Variants in OBI1 observed in about 807,000 individuals in gnomAD.
The protein encoded by OBI1 is ORC ubiquitin ligase 1.
A neutral mutation model predicts 62.4 loss-of-function variants in OBI1; 59 were observed. That is an observed-to-expected ratio of 0.95 (90% CI 0.77 to 1.17). The LOEUF (loss-of-function observed/expected upper bound fraction) is 1.17, where lower values mean the gene tolerates loss of function less well. OBI1 is among the 50% of genes most tolerant of loss of function. The pLI is 0.00. For missense variants in OBI1, 875 were observed against 830.9 expected, an observed-to-expected ratio of 1.05 and a Z score of -0.65; for synonymous variants, 302 against 292.8, an observed-to-expected ratio of 1.03 and a Z score of -0.32.
In OBI1 at chr13:78,616,253, G is replaced by T; in HGVS notation, c.1508C>A (p.Ser503Ter). ...GEISSKLSEK[S>*]GLCLSKRLNS... is the part of the protein sequence containing the mutation. ...CAACCTTTTGGATAAACATAAGCCT[G>T]ATTTCTCACTCAATTTTGAAGATAT... The change falls in exon 6 of 6, where the codon TCA becomes TAA. Residue 503 changes from serine (S) to a stop codon, truncating the protein, a stop_gained. Transcript: ENST00000282003. LOFTEE classifies it high-confidence loss of function. The T allele has an allele frequency of 6.2e-7, 1 of 1,613,618 alleles. No homozygotes were observed.
At position 78,646,610 on chromosome 13, in the gene OBI1, T is replaced by A. The variant is rs571738905; in HGVS notation, c.73-1613A>T. Among the ~76,000 whole-genome samples the A allele has an allele frequency of 5.1e-4, 78 of 152,202 alleles. No individual in the cohort carries two copies. In the South Asian group the frequency reaches 6.7e-3, roughly 13 times the overall value. ...TATAGAACCCTTCTGCACTAGGAAC[T>A]GGAAGACTAGGTCAAGGGAAAGCAG... On this transcript the variant is annotated intron_variant, in intron 1 of 5. Transcript: ENST00000282003.
chr13:78,616,980 T>C lies in OBI1; in HGVS notation c.781A>G (p.Ser261Gly). The C allele has an allele frequency of 6.2e-7, 1 of 1,614,206 alleles. No homozygotes were observed. Among genetic ancestry groups the C allele is most frequent in the Non-Finnish European group, 8.5e-7 (1 of 1,180,036 alleles). ...GAATTCATAGCTTCTTTCTCTTCACTTGAATTTTTTAGCTGTGCAACTTGA... is the reference window on the plus strand; with the variant it reads ...GAATTCATAGCTTCTTTCTCTTCACCTGAATTTTTTAGCTGTGCAACTTGA... ...ESQVAQLKNS[S>G]EEKEAMNSIC... Residue 261 changes from serine to glycine, a missense_variant, in exon 6 of 6, where the codon AGT becomes GGT. Ser to Gly is a moderately conservative substitution (Grantham distance 56). Transcript: ENST00000282003.
In OBI1 at chr13:78,616,906, A is replaced by G; in HGVS notation, c.855T>C (p.Ser285=). 1 of 1,614,054 alleles carries G rather than the reference A, an allele frequency of 6.2e-7. No homozygotes were observed. Among genetic ancestry groups the G allele is most frequent in the Non-Finnish European group, 8.5e-7 (1 of 1,179,996 alleles). Residue 285 remains serine (S), a synonymous_variant, in exon 6 of 6, where the codon AGT becomes AGC. Transcript: ENST00000282003. The stretch of plus-strand genomic sequence containing the variant: ...GATTCTTTGACACCACATCCTCCTC[A>G]CTGCCTTTGCTCCCTTTGCCATCTG... ...LSADGKGSKG[S]EEDVVSKNQG...
intron 4 of OBI1, 152 bp downstream of exon 4, chr13:78,638,671 A>G: frequency 1.5e-6 from 1 of 671,436 alleles, no homozygotes; most frequent in East Asian, 2.8e-5. Context: ...AATAAGAAAA[A>G]GTCTTCTTAT....
At chr13:78,647,431 GAGAT>G (rs1876418193) in intron 1 of OBI1, among the ~76,000 whole-genome samples, 1 of 152,262 alleles carries the variant, frequency 6.6e-6, no homozygotes. Context: ...TTACCCCAAT[GAGAT>G]GTTTGGGTGG....
In OBI1 at chr13:78,616,978, A is replaced by G. The variant is rs1566274436; in HGVS notation, c.783T>C (p.Ser261=). 2 of 1,614,096 alleles carry G rather than the reference A, an allele frequency of 1.2e-6. No homozygotes were observed. Among genetic ancestry groups the G allele is most frequent in the African/African-American group, 2.7e-5 (2 of 75,018 alleles). The change falls in exon 6 of 6, where the codon AGT becomes AGC. Residue 261 remains serine (S), a synonymous_variant. Transcript: ENST00000282003. ...TGGAATTCATAGCTTCTTTCTCTTCACTTGAATTTTTTAGCTGTGCAACTT... is the reference window on the plus strand; with the variant it reads ...TGGAATTCATAGCTTCTTTCTCTTCGCTTGAATTTTTTAGCTGTGCAACTT... The part of the protein sequence containing the change: ...ESQVAQLKNS[S]EEKEAMNSIC...
rs764933327 is a variant in OBI1, at chr13:78,615,690, A to G, written c.2071T>C (p.Ser691Pro). 10 of 1,613,944 alleles carry G rather than the reference A, an allele frequency of 6.2e-6. No homozygotes were observed. Among genetic ancestry groups the G allele is most frequent in the Middle Eastern group, 1.6e-4 (1 of 6,082 alleles). Reference protein sequence around the residue: ...SLHNHLQSPWSTSFVPEKRNK... With the variant: ...SLHNHLQSPWPTSFVPEKRNK... Reference sequence around the variant, plus strand: ...CTCTTTTCAGGCACAAAGGAAGTAGACCAAGGAGACTGAAGGTGGTTATGA... The same window carrying G: ...CTCTTTTCAGGCACAAAGGAAGTAGGCCAAGGAGACTGAAGGTGGTTATGA... Residue 691 changes from serine to proline, a missense_variant, in exon 6 of 6, where the codon TCT becomes CCT. By Grantham distance (74) the Ser-to-Pro change is moderately conservative. Transcript: ENST00000282003.
chr13:78,630,376 T>C (rs1164939869), intron 5 of OBI1, among the ~76,000 whole-genome samples: 3 of 152,160 alleles, frequency 2.0e-5, no homozygotes, highest in Non-Finnish European at 1.5e-5. Context: ...TTTTGTCTTA[T>C]TTCCTTTGTA....
At chr13:78,623,149 G>C (rs1363309836) in intron 5 of OBI1, among the ~76,000 whole-genome samples, 1 of 151,758 alleles carries the variant, frequency 6.6e-6, no homozygotes, top group Non-Finnish European at 1.5e-5. Flanking sequence ...TAAGCTGTCA[G>C]TTACAAAATT....
At chr13:78,621,850 G>A (rs1362155025) in intron 5 of OBI1, among the ~76,000 whole-genome samples, 1 of 152,184 alleles carries the variant, frequency 6.6e-6, no homozygotes, top group Admixed American at 6.5e-5. Context: ...TAAAATGCTG[G>A]AAGTTGATGC....
intron 1 of OBI1, 82 bp downstream of exon 1, chr13:78,658,967 G>A (rs1876796427): frequency 7.8e-7 from 1 of 1,289,152 alleles, no homozygotes; most frequent in Admixed American, 1.9e-5. Context: ...CCCCTTCCCC[G>A]CCCCCGCACG....
At chr13:78,644,265 CCTT>C (rs1283635441) in intron 2 of OBI1, among the ~76,000 whole-genome samples, 1 of 152,134 alleles carries the variant, frequency 6.6e-6, no homozygotes, top group African/African-American at 2.4e-5. Flanking sequence ...CCCAATTCAC[CCTT>C]CTTCTTAGTC....
intron 5 of OBI1, among the ~76,000 whole-genome samples, chr13:78,624,560 A>G (rs532890382): frequency 3.8e-4 from 58 of 152,324 alleles, no homozygotes; most frequent in African/African-American, 1.3e-3. Flanking sequence ...ACAAAATTTT[A>G]AAGGAAATTC....
intron 1 of OBI1, among the ~76,000 whole-genome samples, chr13:78,649,616 C>G (rs148192771): frequency 6.6e-6 from 1 of 152,044 alleles, no homozygotes; most frequent in African/African-American, 2.4e-5. Flanking sequence ...AAAAATGAGA[C>G]GACGGTTAGG....
intron 5 of OBI1, among the ~76,000 whole-genome samples, chr13:78,632,140 T>C (rs1219777152): frequency 1.3e-5 from 2 of 152,042 alleles, no homozygotes; most frequent in Non-Finnish European, 2.9e-5. Context: ...AGAAAAGATC[T>C]TTAGGAAGCA....
chr13:78,627,255 G>C (rs1358284142), intron 5 of OBI1, among the ~76,000 whole-genome samples: 1 of 142,812 alleles, frequency 7.0e-6, no homozygotes, highest in African/African-American at 2.6e-5. Flanking sequence ...TTATGAATAT[G>C]ATTTTTTAGA....
At position 78,635,093 on chromosome 13, in the gene OBI1, G is replaced by C. The variant is rs373768018; in HGVS notation, c.638+17C>G. The C allele has an allele frequency of 2.0e-6, 3 of 1,508,534 alleles. No individual in the cohort carries two copies. Among genetic ancestry groups the C allele is most frequent in the Non-Finnish European group, 1.8e-6 (2 of 1,095,088 alleles). The allele number at this position is 1,508,534 out of a possible 1,614,324, so 93.4% of individuals were successfully genotyped here. A position where few individuals can be genotyped will look rare whatever the true frequency, so the allele number is the denominator to read the frequency against. ...TTGACATAATCTGAAGCATTGCTCT[G>C]GGAGCAAAATACATACTTTTGAGGT... On this transcript the variant is annotated intron_variant, in intron 5 of 5. Coordinates refer to ENST00000282003, the MANE Select transcript of OBI1 (RefSeq NM_024546.4).
chr13:78,615,333 C>A lies in OBI1; in HGVS notation c.*247G>T. 6.1e-6 allele frequency: 2 copies of A among 329,786 alleles called. No homozygotes were observed. The highest frequency in any genetic ancestry group is 1.1e-5 in the Non-Finnish European group (2 of 183,882). The allele number at this position is 329,786 out of a possible 1,614,324, so 20.4% of individuals were successfully genotyped here. A position where few individuals can be genotyped will look rare whatever the true frequency, so the allele number is the denominator to read the frequency against. ...ACCAACCAACCAACCAACCCCAAAACACAAAAATAACCTCCTCCCTAACTT... is the reference window on the plus strand; with the variant it reads ...ACCAACCAACCAACCAACCCCAAAAAACAAAAATAACCTCCTCCCTAACTT... On this transcript the variant is annotated 3_prime_UTR_variant, in exon 6 of 6. Coordinates refer to ENST00000282003, the MANE Select transcript of OBI1 (RefSeq NM_024546.4).
chr13:78,659,076 G>A lies in OBI1; in HGVS notation c.45C>T (p.Pro15=), dbSNP rs145347701. ...TCCCCAAGCAAATGTGGCACGTGATGGGCAGAGTGAGCGACAATGTAACAT... is the reference window on the plus strand; with the variant it reads ...TCCCCAAGCAAATGTGGCACGTGATAGGCAGAGTGAGCGACAATGTAACAT... The part of the protein sequence containing the change: ...VQNVTLSLTL[P]ITCHICLGKV... The change falls in exon 1 of 6, where the codon CCC becomes CCT. Residue 15 remains proline, a synonymous_variant. Transcript: ENST00000282003. 5.0e-6 allele frequency: 8 copies of A among 1,612,800 alleles called. No individual in the cohort carries two copies. The highest frequency in any genetic ancestry group is 1.3e-5 in the African/African-American group (1 of 74,776).
Sources: gnomAD v4.1 joint callset for allele counts (sites outside exome capture counted in the v4.1 genomes callset) on GRCh38, gnomAD v4.1.1 for gene constraint, MANE v1.5 for transcripts, NCBI Gene and HGNC (gene_info 2026-07-23, HGNC 2026-07-21) for gene names.